GZMM: variants seen among roughly 807,000 people sequenced by gnomAD.
GZMM encodes granzyme M.
GZMM carries 23 observed loss-of-function variants against 19.2 expected under a neutral mutation model. That is an observed-to-expected ratio of 1.20 (90% confidence interval 0.86 to 1.69). The LOEUF is 1.69. GZMM is among the 40% of genes most tolerant of loss of function. The probability of loss-of-function intolerance (pLI) is 0.00; values close to 1 mark genes in which losing one functional copy is unlikely to be tolerated. For missense variants in GZMM, 373 were observed against 352.2 expected (o/e 1.06, Z -0.47); for synonymous variants, 178 against 160.2 (o/e 1.11, Z -0.84).
At chr19:545,843 C>G (rs939623979) in intron 1 of GZMM, among the ~76,000 whole-genome samples, 3 of 150,854 alleles carry the variant, frequency 2.0e-5, no homozygotes, top group Non-Finnish European at 4.4e-5. Context: ...CGGGGTTTCA[C>G]CGTGTTAGCC....
chr19:549,273 C>A, intron 4 of GZMM, 88 bp downstream of exon 4: 1 of 1,287,464 alleles, frequency 7.8e-7, no homozygotes, highest in Non-Finnish European at 1.1e-6. Flanking sequence ...CTGGCTCTCC[C>A]GTTCTCTGGG....
At chr19:548,891 C>T (rs1467077425) in intron 3 of GZMM, 31 bp from the exon 4 acceptor site, 3 of 1,492,418 alleles carry the variant, frequency 2.0e-6, no homozygotes, top group Non-Finnish European at 2.7e-6. Flanking sequence ...CCCCCTCCCC[C>T]TGCTCACCTG....
At position 547,377 on chromosome 19, in the gene GZMM, C is replaced by CG; in HGVS notation, c.158dup (p.Val54CysfsTer82). On this transcript the variant is annotated frameshift_variant, in exon 2 of 5. Coordinates refer to ENST00000264553, the MANE Select transcript of GZMM (RefSeq NM_005317.4). LOFTEE classifies it high-confidence loss of function. ...TGCAGAGAAATGGCTCCCACCTGTG[C>CG]GGGGGTGTCCTGGTGCACCCAAAGT... The CG allele has an allele frequency of 6.4e-7, 1 of 1,552,574 alleles. No individual in the cohort carries two copies. The highest frequency in any genetic ancestry group is 8.7e-7 in the Non-Finnish European group (1 of 1,150,846).
chr19:544,327 T>A (rs1263758375), intron 1 of GZMM, among the ~76,000 whole-genome samples: 1 of 151,858 alleles, frequency 6.6e-6, no homozygotes, highest in Non-Finnish European at 1.5e-5. Context: ...CGTGGGAGAG[T>A]GTGGTGTCCA....
In GZMM at chr19:544,904, C is replaced by T. The variant is rs1980207846; in HGVS notation, c.55+778C>T. Among the ~76,000 whole-genome samples, 3 of 150,196 alleles carry T rather than the reference C, an allele frequency of 2.0e-5. No individual in the cohort carries two copies. The South Asian group carries it at 6.4e-4, about 32-fold the overall frequency. ...TCCGCCAGTCCATCCACCCATCATTCCTCCTTCCTCCCATTCTTCCACCCA... is the reference window on the plus strand; with the variant it reads ...TCCGCCAGTCCATCCACCCATCATTTCTCCTTCCTCCCATTCTTCCACCCA... On this transcript the variant is annotated intron_variant, in intron 1 of 4. Transcript: ENST00000264553.
chr19:549,576 C>T, intron 4 of GZMM, 54 bp from the exon 5 acceptor site: 1 of 1,554,184 alleles, frequency 6.4e-7, no homozygotes, highest in South Asian at 1.2e-5. Context: ...GGCCCTGCTC[C>T]CCTCGTCCCC....
At chr19:545,201 G>A (rs1980228842) in intron 1 of GZMM, among the ~76,000 whole-genome samples, 1 of 152,118 alleles carries the variant, frequency 6.6e-6, no homozygotes, top group African/African-American at 2.4e-5. Flanking sequence ...AGACAGGCCA[G>A]GCATGAGACT....
intron 1 of GZMM, among the ~76,000 whole-genome samples, chr19:545,250 T>G (rs1555721684): frequency 1.4e-5 from 2 of 147,402 alleles, no homozygotes; most frequent in Admixed American, 1.3e-4. Flanking sequence ...AGAGGGCGGG[T>G]GGGGGGCCGT....
Position 548,662 on chromosome 19 carries a change from C to T in GZMM, c.333C>T (p.Asp111=), listed in dbSNP as rs745672977. The T allele has an allele frequency of 6.2e-7, 1 of 1,613,162 alleles. No individual in the cohort carries two copies. Among genetic ancestry groups the T allele is most frequent in the Non-Finnish European group, 8.5e-7 (1 of 1,179,698 alleles). ...AGCCCGTCCCTGCCCTGGAGAACGA[C>T]CTCGCGCTGCTTCAGGTGTGCAGGG... is the stretch of plus-strand genomic sequence containing the variant. ...RYKPVPALEN[D]LALLQLDGKV... is the part of the protein sequence containing the mutation. Residue 111 remains aspartate, a synonymous_variant, in exon 3 of 5, where the codon GAC becomes GAT. Coordinates refer to ENST00000264553, the MANE Select transcript of GZMM (RefSeq NM_005317.4).
At chr19:547,563 C>A in intron 2 of GZMM, 127 bp downstream of exon 2, 1 of 690,332 alleles carries the variant, frequency 1.4e-6, no homozygotes, top group Non-Finnish European at 2.1e-6. Flanking sequence ...CCGGTGACGA[C>A]TTAGGCAGGT....
intron 1 of GZMM, among the ~76,000 whole-genome samples, chr19:544,837 C>A (rs1387774126): frequency 2.0e-5 from 3 of 150,020 alleles, no homozygotes; most frequent in Admixed American, 6.6e-5. Flanking sequence ...ATGGGTCCAT[C>A]ATCCATCCCT....
chr19:544,862 G>C (rs56885937), intron 1 of GZMM, among the ~76,000 whole-genome samples: 1 of 112,760 alleles, frequency 8.9e-6, no homozygotes, highest in African/African-American at 3.5e-5. Context: ...CCCTCCTTTC[G>C]TTCCCCCTTC....
chr19:544,387 C>T (rs577187456), intron 1 of GZMM, among the ~76,000 whole-genome samples: 7 of 152,174 alleles, frequency 4.6e-5, no homozygotes, highest in African/African-American at 1.7e-4. Flanking sequence ...GCAGGGGTCA[C>T]GCTCACACCC....
At chr19:546,866 A>T (rs77554086) in intron 1 of GZMM, among the ~76,000 whole-genome samples, 2 of 2,720 alleles carry the variant, frequency 7.4e-4, no homozygotes, top group Admixed American at 8.1e-3. Flanking sequence ...AGTTTTTTTT[A>T]AGAGACTGGG....
intron 1 of GZMM, 42 bp downstream of exon 1, chr19:544,168 C>G: frequency 6.7e-7 from 1 of 1,503,626 alleles, no homozygotes; most frequent in Non-Finnish European, 9.0e-7. Context: ...TGAGGCCCAG[C>G]GCTCTCGGTG....
chr19:549,283 G>C (rs1019454740), intron 4 of GZMM, 98 bp downstream of exon 4: 2 of 1,258,548 alleles, frequency 1.6e-6, no homozygotes, highest in African/African-American at 3.0e-5. Flanking sequence ...CGTTCTCTGG[G>C]GAGTCCTGTC....
intron 3 of GZMM, 49 bp downstream of exon 3, chr19:548,726 G>A (rs371089069): frequency 1.5e-4 from 239 of 1,574,406 alleles, no homozygotes; most frequent in Admixed American, 3.4e-4. Flanking sequence ...TGTCCCCCAC[G>A]GGTGCCCCTC....
At chr19:549,221 C>A in intron 4 of GZMM, 36 bp downstream of exon 4, 5 of 1,536,994 alleles carry the variant, frequency 3.3e-6, no homozygotes, top group Non-Finnish European at 4.4e-6. Flanking sequence ...GGGAATGAGG[C>A]TGGCGGGAGG....
Position 549,642 on chromosome 19 carries a change from G to A in GZMM, c.625G>A (p.Gly209Arg), listed in dbSNP as rs771673830. Residue 209 changes from glycine to arginine, a missense_variant, in exon 5 of 5, where the codon GGG becomes AGG. Coordinates refer to ENST00000264553, the MANE Select transcript of GZMM (RefSeq NM_005317.4). ...GTCGTCCCTGCAGGGTGACTCGGGC[G>A]GGCCCCTGGTGTGTGGCAAAGGCCG... ...DQAPCKGDSG[G>R]PLVCGKGRVL... is the part of the protein sequence containing the mutation. The A allele has an allele frequency of 3.1e-5, 50 of 1,612,354 alleles. No homozygotes were observed. The highest frequency in any genetic ancestry group is 1.8e-4 in the Admixed American group (11 of 59,988).
Sources: allele counts gnomAD v4.1 joint callset (sites outside exome capture counted in the v4.1 genomes callset), GRCh38; gene constraint gnomAD v4.1.1; transcripts MANE v1.5; gene names NCBI Gene and HGNC (gene_info 2026-07-23, HGNC 2026-07-21).